The following ANKRD17 variants were observed in gnomAD, a reference collection of about 807,000 sequenced individuals.
ANKRD17 encodes ankyrin repeat domain-containing protein 17.
In ANKRD17, 19 loss-of-function variants were observed where a neutral mutation model predicts 229.7. The ratio of observed to expected loss-of-function variants is 0.08; its 90% CI spans 0.06 to 0.12. The LOEUF is 0.12. Ranked by LOEUF, ANKRD17 falls within the 10% of genes least tolerant of loss-of-function variation. The pLI is 1.00. For synonymous variants in ANKRD17, 1,112 were observed against 1,146.1 expected (o/e 0.97, Z 0.60); for missense variants, 2,176 against 3,176.8 (o/e 0.68, Z 7.57).
intron 21 of ANKRD17, among the ~76,000 whole-genome samples, chr4:73,119,869 T>C (rs1462343071): frequency 2.6e-5 from 4 of 152,174 alleles, no homozygotes; most frequent in Admixed American, 1.3e-4. Context: ...GTGTGGGGGA[T>C]GTAAGTATGT....
At chr4:73,223,195 A>G (rs1457471220) in intron 1 of ANKRD17, 2 of 538,198 alleles carry the variant, frequency 3.7e-6, no homozygotes, top group African/African-American at 2.0e-5. Flanking sequence ...GGGGTGACTC[A>G]CTGTGTATTT....
intron 18 of ANKRD17, 43 bp from the exon 19 acceptor site, chr4:73,121,802 C>A (rs1253933461): frequency 6.5e-7 from 1 of 1,535,274 alleles, no homozygotes. Flanking sequence ...TATGGAGAGA[C>A]AAATTACCAA....
intron 6 of ANKRD17, among the ~76,000 whole-genome samples, chr4:73,152,171 A>G (rs1051864823): frequency 6.6e-6 from 1 of 152,216 alleles, no homozygotes; most frequent in Non-Finnish European, 1.5e-5. Context: ...TTCAGATCCT[A>G]TGCAAAAAAC....
At chr4:73,118,643 G>GT (rs1375252837) in intron 22 of ANKRD17, 45 bp downstream of exon 22, 1 of 1,606,642 alleles carries the variant, frequency 6.2e-7, no homozygotes, top group South Asian at 1.1e-5. Flanking sequence ...ACTTCCTAGT[G>GT]TAAGTAAAAA....
rs549810939 is a variant in ANKRD17 at position 73,182,523 on chromosome 4, C to T, written c.394-4990G>A. Among the ~76,000 whole-genome samples the T allele has an allele frequency of 5.4e-4, 82 of 152,268 alleles. 1 individual carries two copies. In the South Asian group the frequency reaches 0.016, roughly 29 times the overall value. On this transcript the variant is annotated intron_variant, in intron 1 of 33. Transcript: ENST00000358602. Reference sequence around the variant, plus strand: ...AATAAGGGGTTGAACTTTCACACTGCTCTGGGAAAGGTGACTTTAAATTTT... The same window carrying T: ...AATAAGGGGTTGAACTTTCACACTGTTCTGGGAAAGGTGACTTTAAATTTT...
chr4:73,207,724 T>C (rs190237534), intron 1 of ANKRD17, among the ~76,000 whole-genome samples: 4 of 152,226 alleles, frequency 2.6e-5, no homozygotes, highest in Admixed American at 1.3e-4. Flanking sequence ...CAAGAAGACA[T>C]AGTAACTCTA....
chr4:73,077,025 A>C lies in ANKRD17; in HGVS notation c.7667T>G (p.Phe2556Cys). ...AGGGTCTGCAGCATGAGGGCCATTA[A>C]ATATGGGTCCTCCAGCACCATCAGG... Reference protein sequence around the residue: ...PIPDGAGGPIFNGPHAADPSW... With the variant: ...PIPDGAGGPICNGPHAADPSW... Residue 2556 changes from phenylalanine (F) to cysteine (C), a missense_variant, in exon 33 of 34, where the codon TTT becomes TGT. Physicochemically the swap from Phe to Cys is radical, Grantham distance 205. Coordinates refer to ENST00000358602, the MANE Select transcript of ANKRD17 (RefSeq NM_032217.5). The C allele has an allele frequency of 6.2e-7, 1 of 1,613,844 alleles. No homozygotes were observed. Among genetic ancestry groups the C allele is most frequent in the Non-Finnish European group, 8.5e-7 (1 of 1,179,888 alleles).
At chr4:73,244,436 C>A (rs1360232695) in intron 1 of ANKRD17, among the ~76,000 whole-genome samples, 1 of 152,048 alleles carries the variant, frequency 6.6e-6, no homozygotes, top group Non-Finnish European at 1.5e-5. Context: ...CCACTAGCTA[C>A]ATGTAATATT....
intron 1 of ANKRD17, among the ~76,000 whole-genome samples, chr4:73,208,195 A>G (rs981254816): frequency 2.0e-5 from 3 of 150,914 alleles, no homozygotes; most frequent in Non-Finnish European, 4.4e-5. Flanking sequence ...TCTCAAAAAA[A>G]AAAAAAAAAA....
Position 73,135,114 on chromosome 4 carries a change from T to C in ANKRD17, c.3234+3A>G, listed in dbSNP as rs1728723822. ...AACCATCTCTCTTAAGTTTGGGACT[T>C]ACCTGTGCATCAATATCAATGGCAG... On this transcript the variant is annotated splice_donor_region_variant and intron_variant, in intron 16 of 33. Coordinates refer to ENST00000358602, the MANE Select transcript of ANKRD17 (RefSeq NM_032217.5). The C allele has an allele frequency of 6.2e-7, 1 of 1,611,902 alleles. No individual in the cohort carries two copies. The highest frequency in any genetic ancestry group is 1.7e-5 in the Admixed American group (1 of 59,872).
In ANKRD17 at chr4:73,255,801, G is replaced by A. The variant is rs528072306; in HGVS notation, c.393+2475C>T. ...TGCAATGGTGCAATCTCAGCTCACT[G>A]CAACCTCCACCTCCCGGGTTCAAGC... On this transcript the variant is annotated intron_variant, in intron 1 of 33. Coordinates refer to ENST00000358602, the MANE Select transcript of ANKRD17 (RefSeq NM_032217.5). 1.3e-3 allele frequency among the ~76,000 whole-genome samples: 198 copies of A among 151,764 alleles called. 1 individual carries two copies. The highest frequency in any genetic ancestry group is 4.5e-3 in the African/African-American group (188 of 41,322).
rs1205750008 is a variant in ANKRD17, at chr4:73,118,724, G to A, written c.4152C>T (p.Asn1384=). ...CTGCCATAAGAGGAGTTATCTTGCG[G>A]TTATCTGCTGCATCCACATCTGCAC... ...QAGADVDAAD[N]RKITPLMAAF... Residue 1384 remains asparagine (N), a synonymous_variant, in exon 22 of 34, where the codon AAC becomes AAT. Coordinates refer to ENST00000358602, the MANE Select transcript of ANKRD17 (RefSeq NM_032217.5). 4.3e-6 allele frequency: 7 copies of A among 1,613,996 alleles called. No homozygotes were observed. Among genetic ancestry groups the A allele is most frequent in the Non-Finnish European group, 4.2e-6 (5 of 1,179,998 alleles).
intron 30 of ANKRD17, among the ~76,000 whole-genome samples, chr4:73,082,761 G>A (rs1008606573): frequency 6.6e-6 from 1 of 152,250 alleles, no homozygotes; most frequent in Non-Finnish European, 1.5e-5. Flanking sequence ...TCAGAGAACA[G>A]TTCTAGATTA....
chr4:73,157,940 A>AT (rs1731886079), intron 3 of ANKRD17, among the ~76,000 whole-genome samples: 2 of 151,918 alleles, frequency 1.3e-5, no homozygotes, highest in Non-Finnish European at 2.9e-5. Flanking sequence ...ATACAAAAAA[A>AT]AATTAGCCGG....
intron 25 of ANKRD17, among the ~76,000 whole-genome samples, chr4:73,102,092 A>C (rs28506179): frequency 0.021 from 3,166 of 152,114 alleles, 45 homozygotes; most frequent in Middle Eastern, 0.037. Flanking sequence ...CTGGGACTAC[A>C]GGAGTATGCT....
chr4:73,098,165 G>A lies in ANKRD17; in HGVS notation c.4929C>T (p.Val1643=). The change falls in exon 26 of 34, where the codon GTC becomes GTT. Residue 1643 remains valine (V), a synonymous_variant. Coordinates refer to ENST00000358602, the MANE Select transcript of ANKRD17 (RefSeq NM_032217.5). ...RKSDNHSPAV[V]TTTVSSKKQP... ...GCTTTTTGCTGCTCACAGTGGTAGT[G>A]ACCACAGCTGGTGAATGATTGTCAC... is the stretch of plus-strand genomic sequence containing the variant. 1 of 1,614,184 alleles carries A rather than the reference G, an allele frequency of 6.2e-7. No individual in the cohort carries two copies. Among genetic ancestry groups the A allele is most frequent in the South Asian group, 1.1e-5 (1 of 91,074 alleles).
At chr4:73,247,850 GA>G (rs1744637174) in intron 1 of ANKRD17, among the ~76,000 whole-genome samples, 1 of 151,796 alleles carries the variant, frequency 6.6e-6, no homozygotes, top group African/African-American at 2.4e-5. Flanking sequence ...ACATAACAAG[GA>G]AAAAGAATGA....
chr4:73,100,812 A>G (rs1483688888), intron 25 of ANKRD17: 1 of 979,236 alleles, frequency 1.0e-6, no homozygotes, highest in Admixed American at 6.2e-5. Context: ...ATGCTGGAGA[A>G]GGGAAATTAA....
chr4:73,105,085 TGA>T (rs777396322), intron 24 of ANKRD17, among the ~76,000 whole-genome samples: 23 of 152,158 alleles, frequency 1.5e-4, no homozygotes, highest in Non-Finnish European at 2.6e-4. Flanking sequence ...CTGAATTCAC[TGA>T]GAGTAGGTAG....
Sources: allele counts gnomAD v4.1 joint callset (sites outside exome capture counted in the v4.1 genomes callset), GRCh38; gene constraint gnomAD v4.1.1; transcripts MANE v1.5; gene names NCBI Gene and HGNC (gene_info 2026-07-23, HGNC 2026-07-21).